VEZT: variants seen among roughly 807,000 people sequenced by gnomAD.
The protein encoded by VEZT is vezatin, adherens junctions transmembrane protein.
A neutral mutation model predicts 79.9 loss-of-function variants in VEZT; 39 were observed. That is an observed-to-expected ratio of 0.49 (90% CI 0.38 to 0.64). VEZT has a LOEUF of 0.64. Among genes scored for constraint, VEZT ranks in the 30% least tolerant of loss-of-function variants. The pLI is 0.00. For missense variants in VEZT, 837 were observed against 893.1 expected (o/e 0.94, Z 0.80); for synonymous variants, 325 against 327.6 (o/e 0.99, Z 0.09).
At chr12:95,226,085 C>G (rs894917804) in intron 1 of VEZT, among the ~76,000 whole-genome samples, 1 of 138,640 alleles carries the variant, frequency 7.2e-6, no homozygotes, top group African/African-American at 2.8e-5. Flanking sequence ...CAGATTGAGA[C>G]TTTGCCTTTA....
intron 5 of VEZT, among the ~76,000 whole-genome samples, chr12:95,268,224 G>C (rs970404283): frequency 1.3e-5 from 2 of 151,658 alleles, no homozygotes; most frequent in South Asian, 4.2e-4. Flanking sequence ...GGCCGGGCAC[G>C]GTGGCCCACA....
At chr12:95,238,551 A>T (rs978546868) in intron 1 of VEZT, among the ~76,000 whole-genome samples, 25 of 152,244 alleles carry the variant, frequency 1.6e-4, no homozygotes, top group African/African-American at 5.8e-4. Flanking sequence ...CACCATATTT[A>T]TATGCTAAAA....
At chr12:95,290,202 T>C (rs1195657579) in intron 9 of VEZT, among the ~76,000 whole-genome samples, 1 of 152,236 alleles carries the variant, frequency 6.6e-6, no homozygotes, top group East Asian at 1.9e-4. Flanking sequence ...TCTTTCATGA[T>C]AAATATTTTG....
chr12:95,249,878 C>G (rs951405817), intron 1 of VEZT, among the ~76,000 whole-genome samples: 2 of 151,796 alleles, frequency 1.3e-5, no homozygotes, highest in Admixed American at 6.6e-5. Flanking sequence ...GAACCCGTTT[C>G]CTCATCTATG....
At chr12:95,258,594 G>A (rs1337064216) in intron 3 of VEZT, among the ~76,000 whole-genome samples, 1 of 152,048 alleles carries the variant, frequency 6.6e-6, no homozygotes, top group African/African-American at 2.4e-5. Context: ...ATTGAAGCAG[G>A]CCCTCATTTC....
At chr12:95,222,347 T>C (rs1427239296) in intron 1 of VEZT, among the ~76,000 whole-genome samples, 1 of 152,104 alleles carries the variant, frequency 6.6e-6, no homozygotes, top group Non-Finnish European at 1.5e-5. Flanking sequence ...AGATCAACAT[T>C]TTTTTTTCCC....
intron 6 of VEZT, 74 bp from the exon 7 acceptor site, chr12:95,274,668 G>C: frequency 6.8e-7 from 1 of 1,471,562 alleles, no homozygotes; most frequent in South Asian, 1.5e-5. Context: ...TAGGGAATGT[G>C]ATATAGGACA....
At chr12:95,230,187 T>A (rs2059060259) in intron 1 of VEZT, among the ~76,000 whole-genome samples, 1 of 151,936 alleles carries the variant, frequency 6.6e-6, no homozygotes, top group Non-Finnish European at 1.5e-5. Flanking sequence ...ACATTGAGAC[T>A]TCCTGTTGTT....
chr12:95,234,208 T>C (rs1307783213), intron 1 of VEZT, among the ~76,000 whole-genome samples: 2 of 152,142 alleles, frequency 1.3e-5, no homozygotes, highest in African/African-American at 4.8e-5. Flanking sequence ...TAAAAAAATA[T>C]TATTACTGGT....
chr12:95,285,789 A>G (rs908332454), intron 8 of VEZT, among the ~76,000 whole-genome samples: 1 of 152,076 alleles, frequency 6.6e-6, no homozygotes, highest in African/African-American at 2.4e-5. Flanking sequence ...TTCTTTTCTG[A>G]TAAAGAAAGC....
At chr12:95,239,824 T>C (rs1445681355) in intron 1 of VEZT, among the ~76,000 whole-genome samples, 3 of 152,068 alleles carry the variant, frequency 2.0e-5, no homozygotes, top group African/African-American at 4.8e-5. Context: ...TGGTGGCACA[T>C]GCCTTTAATC....
At chr12:95,289,089 AAAATAAATAAATAAAT>A (rs55667589) in intron 9 of VEZT, among the ~76,000 whole-genome samples, 7 of 101,692 alleles carry the variant, frequency 6.9e-5, no homozygotes, top group Non-Finnish European at 1.2e-4. Context: ...CTCAAAAAAA[AAAATAAATAAATAAAT>A]AAATAAATAA....
chr12:95,297,201 G>C (rs1350680158), intron 11 of VEZT, among the ~76,000 whole-genome samples: 1 of 152,114 alleles, frequency 6.6e-6, no homozygotes, highest in Non-Finnish European at 1.5e-5. Context: ...AGGAATCAGG[G>C]GAAGCTTAAT....
chr12:95,254,325 T>C (rs2063099168), intron 2 of VEZT, among the ~76,000 whole-genome samples: 1 of 150,812 alleles, frequency 6.6e-6, no homozygotes, highest in Non-Finnish European at 1.5e-5. Flanking sequence ...TCTATATTTT[T>C]CTAAAACGAA....
At chr12:95,264,324 A>C (rs1485344524) in intron 4 of VEZT, among the ~76,000 whole-genome samples, 1 of 152,230 alleles carries the variant, frequency 6.6e-6, no homozygotes, top group Non-Finnish European at 1.5e-5. Flanking sequence ...GAGACCTATA[A>C]ATGATTTTAG....
At chr12:95,228,788 G>C (rs974834366) in intron 1 of VEZT, among the ~76,000 whole-genome samples, 5 of 152,156 alleles carry the variant, frequency 3.3e-5, no homozygotes, top group Non-Finnish European at 7.3e-5. Flanking sequence ...AAGATCACAT[G>C]AACTCAGGAG....
intron 4 of VEZT, among the ~76,000 whole-genome samples, chr12:95,264,117 G>T (rs1189309942): frequency 2.0e-5 from 3 of 152,154 alleles, no homozygotes; most frequent in African/African-American, 7.2e-5. Flanking sequence ...TTGGCCTCAA[G>T]GTTCTGTATT....
At chr12:95,258,624 A>G (rs528255488) in intron 3 of VEZT, among the ~76,000 whole-genome samples, 187 of 152,296 alleles carry the variant, frequency 1.2e-3, no homozygotes, top group African/African-American at 4.2e-3. Flanking sequence ...AATATTGGCA[A>G]TTGCTCTGTG....
At chr12:95,255,040 T>C (rs1190083461) in intron 2 of VEZT, among the ~76,000 whole-genome samples, 1 of 152,180 alleles carries the variant, frequency 6.6e-6, no homozygotes, top group Non-Finnish European at 1.5e-5. Context: ...TTGCCACTTA[T>C]GTCCATTCTC....
Sources: gnomAD v4.1 joint callset for allele counts (sites outside exome capture counted in the v4.1 genomes callset) on GRCh38, gnomAD v4.1.1 for gene constraint, MANE v1.5 for transcripts, NCBI Gene and HGNC (gene_info 2026-07-23, HGNC 2026-07-21) for gene names.